CDH13: variants seen among roughly 807,000 people sequenced by gnomAD.
The protein encoded by CDH13 is cadherin-13.
Under a neutral mutation model 63.8 loss-of-function variants are expected in CDH13, and 24 were observed. That is an observed-to-expected ratio of 0.38 (90% CI 0.27 to 0.53). CDH13 has a LOEUF of 0.53. CDH13 is among the 20% of genes least tolerant of loss of function. The pLI, the probability that CDH13 is intolerant of heterozygous loss-of-function variation, is 0.85. For missense variants in CDH13, 1,049 were observed against 903.1 expected (o/e 1.16, Z -2.07); for synonymous variants, 503 against 355.3 (o/e 1.42, Z -4.67).
At chr16:83,484,305 G>A (rs921816978) in intron 6 of CDH13, among the ~76,000 whole-genome samples, 4 of 152,212 alleles carry the variant, frequency 2.6e-5, no homozygotes, top group Admixed American at 6.5e-5. Flanking sequence ...TTCTTTGTAT[G>A]ACTATTCCTG....
At chr16:82,640,949 AAT>A in intron 1 of CDH13, among the ~76,000 whole-genome samples, 1 of 152,208 alleles carries the variant, frequency 6.6e-6, no homozygotes, top group Non-Finnish European at 1.5e-5. Context: ...CCTCTAAATA[AAT>A]AGAGACACAG....
chr16:83,764,645 C>CTT (rs1239006647), intron 11 of CDH13, among the ~76,000 whole-genome samples: 1 of 151,490 alleles, frequency 6.6e-6, no homozygotes, highest in East Asian at 2.0e-4. Flanking sequence ...GAAGTCAGCC[C>CTT]TTTACTCTTG....
intron 2 of CDH13, among the ~76,000 whole-genome samples, chr16:82,910,283 A>G (rs1383947778): frequency 2.0e-5 from 3 of 152,158 alleles, no homozygotes; most frequent in Admixed American, 2.0e-4. Flanking sequence ...TCTGGCCGAT[A>G]CTCATAGCTA....
intron 3 of CDH13, among the ~76,000 whole-genome samples, chr16:83,101,506 G>A (rs1290974521): frequency 1.3e-5 from 2 of 151,796 alleles, no homozygotes; most frequent in African/African-American, 2.4e-5. Context: ...GAAATACTGG[G>A]TAGAGGCTGG....
At chr16:83,695,056 A>T (rs934116804) in intron 10 of CDH13, among the ~76,000 whole-genome samples, 22 of 152,026 alleles carry the variant, frequency 1.4e-4, no homozygotes, top group African/African-American at 5.3e-4. Context: ...AAAATACAAA[A>T]ATTAGCCAGG....
chr16:82,807,728 G>C (rs28526585), intron 1 of CDH13, among the ~76,000 whole-genome samples: 76,175 of 151,954 alleles, frequency 0.5, 19,906 homozygotes, highest in Non-Finnish European at 0.59. Context: ...GAAAGAAGCA[G>C]TTAATTCCCA....
At chr16:82,919,542 G>T (rs1293043846) in intron 2 of CDH13, among the ~76,000 whole-genome samples, 1 of 152,150 alleles carries the variant, frequency 6.6e-6, no homozygotes, top group Non-Finnish European at 1.5e-5. Flanking sequence ...TCATGATCTT[G>T]TTCTTTTCTA....
At chr16:83,659,294 C>T (rs1390921564) in intron 8 of CDH13, among the ~76,000 whole-genome samples, 3 of 148,188 alleles carry the variant, frequency 2.0e-5, no homozygotes, top group South Asian at 4.4e-4. Flanking sequence ...TCCTCACCAC[C>T]AGGTCCCGTA....
At chr16:83,384,834 C>T (rs1210805141) in intron 6 of CDH13, among the ~76,000 whole-genome samples, 1 of 152,192 alleles carries the variant, frequency 6.6e-6, no homozygotes, top group Non-Finnish European at 1.5e-5. Context: ...CTGTCCTTTC[C>T]AAAGTCATTT....
rs189289431 is a variant in CDH13, at chr16:83,319,104, A to G, written c.637-25758A>G. On this transcript the variant is annotated intron_variant, in intron 5 of 13. Transcript: ENST00000567109. ...CTTAGGCATGGGTTGAAGGATGAGT[A>G]AAAGTTCTTTGGGCAAACATCTTAC... Among the ~76,000 whole-genome samples the G allele has an allele frequency of 1.4e-3, 216 of 152,168 alleles. 2 individuals carry two copies. In the South Asian group the frequency reaches 0.016, roughly 11 times the overall value.
chr16:83,755,726 A>C (rs1217728330), intron 11 of CDH13, among the ~76,000 whole-genome samples: 1 of 148,682 alleles, frequency 6.7e-6, no homozygotes, highest in African/African-American at 2.5e-5. Flanking sequence ...CTTCAAAATC[A>C]AGGTGAATTA....
At chr16:83,199,231 G>C (rs2038958831) in intron 4 of CDH13, among the ~76,000 whole-genome samples, 1 of 152,230 alleles carries the variant, frequency 6.6e-6, no homozygotes, top group African/African-American at 2.4e-5. Context: ...GGCTTGGGAT[G>C]TGAGCATGCT....
chr16:82,968,017 G>T (rs1741231396), intron 2 of CDH13, among the ~76,000 whole-genome samples: 1 of 152,104 alleles, frequency 6.6e-6, no homozygotes, highest in African/African-American at 2.4e-5. Flanking sequence ...TTACCAAATG[G>T]CGATTCTCTA....
chr16:83,108,117 A>G (rs1281003440), intron 3 of CDH13, among the ~76,000 whole-genome samples: 2 of 151,928 alleles, frequency 1.3e-5, no homozygotes, highest in Non-Finnish European at 2.9e-5. Context: ...CACCGCGCCC[A>G]GCCCCTCTTT....
rs377383586 is a variant in CDH13, at chr16:83,032,153, C to A, written c.301C>A (p.Pro101Thr). Reference protein sequence around the residue: ...GKTLFVHARTPHAEDMAELVI... With the variant: ...GKTLFVHARTTHAEDMAELVI... The stretch of plus-strand genomic sequence containing the variant: ...AACTCTGTTCGTCCATGCACGGACC[C>A]CCCATGCGGAAGATATGGCAGAACT... The change falls in exon 3 of 14, where the codon CCC becomes ACC. Residue 101 changes from proline to threonine, a missense_variant. By Grantham distance (38) the Pro-to-Thr change is conservative. Coordinates refer to ENST00000567109, the MANE Select transcript of CDH13 (RefSeq NM_001257.5). 13 of 1,613,574 alleles carry A rather than the reference C, an allele frequency of 8.1e-6. No homozygotes were observed. In the African/African-American group the frequency reaches 1.6e-4, roughly 20 times the overall value.
At chr16:83,251,552 G>C (rs1009946579) in intron 5 of CDH13, among the ~76,000 whole-genome samples, 1 of 152,108 alleles carries the variant, frequency 6.6e-6, no homozygotes, top group African/African-American at 2.4e-5. Context: ...CATTCTGATG[G>C]GTCCAATCTG....
intron 6 of CDH13, among the ~76,000 whole-genome samples, chr16:83,405,224 G>A (rs542975470): frequency 3.3e-4 from 51 of 152,256 alleles, no homozygotes; most frequent in African/African-American, 1.1e-3. Context: ...GTAAGTAGCT[G>A]TGTAAGTAGC....
intron 2 of CDH13, among the ~76,000 whole-genome samples, chr16:82,909,250 ATATGTGTG>A (rs1050788471): frequency 1.5e-4 from 14 of 96,244 alleles, no homozygotes; most frequent in African/African-American, 5.6e-4. Context: ...GACTGACTGT[ATATGTGTG>A]TGTGTGTGTG....
chr16:83,768,049 T>G (rs760614446), intron 11 of CDH13, among the ~76,000 whole-genome samples: 13 of 152,320 alleles, frequency 8.5e-5, no homozygotes, highest in Middle Eastern at 3.4e-3. Context: ...TTTAACATGT[T>G]CATGGTTATT....
Sources: allele counts gnomAD v4.1 joint callset (sites outside exome capture counted in the v4.1 genomes callset), GRCh38; gene constraint gnomAD v4.1.1; transcripts MANE v1.5; gene names NCBI Gene and HGNC (gene_info 2026-07-23, HGNC 2026-07-21).